The following SNTG1 variants were observed in gnomAD, a reference collection of about 807,000 sequenced individuals.
SNTG1 encodes the protein syntrophin gamma 1.
In SNTG1, 39 loss-of-function variants were observed where a neutral mutation model predicts 74.7. That is an observed-to-expected ratio of 0.52 (90% CI 0.40 to 0.68). The LOEUF (loss-of-function observed/expected upper bound fraction) is 0.68, where lower values mean the gene tolerates loss of function less well. SNTG1 is among the 30% of genes least tolerant of loss of function. The pLI, the probability that SNTG1 is intolerant of heterozygous loss-of-function variation, is 0.00. For synonymous variants in SNTG1, 254 were observed against 217.1 expected (o/e 1.17, Z -1.49); for missense variants, 685 against 609.5 (o/e 1.12, Z -1.30).
At chr8:50,325,743 A>G (rs1203959642) in intron 2 of SNTG1, among the ~76,000 whole-genome samples, 1 of 152,118 alleles carries the variant, frequency 6.6e-6, no homozygotes, top group Non-Finnish European at 1.5e-5. Flanking sequence ...TTCACATAGT[A>G]TTACATTAGC....
At chr8:50,603,465 TTC>T (rs1446432516) in intron 13 of SNTG1, among the ~76,000 whole-genome samples, 1 of 152,224 alleles carries the variant, frequency 6.6e-6, no homozygotes, top group Non-Finnish European at 1.5e-5. Context: ...ACTTTGAATT[TTC>T]TTTGTGAAAG....
At chr8:50,281,644 G>A (rs2088461337) in intron 2 of SNTG1, among the ~76,000 whole-genome samples, 1 of 152,110 alleles carries the variant, frequency 6.6e-6, no homozygotes, top group South Asian at 2.1e-4. Context: ...TTTACTTTAT[G>A]GATAGGTAAC....
At chr8:50,390,794 T>C (rs555232478) in intron 2 of SNTG1, among the ~76,000 whole-genome samples, 1 of 152,342 alleles carries the variant, frequency 6.6e-6, no homozygotes, top group African/African-American at 2.4e-5. Flanking sequence ...ACATCCCTTG[T>C]AAGTTGGATT....
At chr8:50,751,562 A>G (rs970538099) in intron 17 of SNTG1, among the ~76,000 whole-genome samples, 4 of 152,024 alleles carry the variant, frequency 2.6e-5, no homozygotes, top group Admixed American at 2.6e-4. Flanking sequence ...CATCTCATGA[A>G]AGCACCATGT....
chr8:50,098,040 T>C (rs999468274), intron 1 of SNTG1, among the ~76,000 whole-genome samples: 7 of 152,230 alleles, frequency 4.6e-5, no homozygotes, highest in Non-Finnish European at 8.8e-5. Flanking sequence ...TCCAAAATCT[T>C]ATAATTGTCA....
At chr8:50,057,415 TTTTTTG>T (rs1173743330) in intron 1 of SNTG1, among the ~76,000 whole-genome samples, 11 of 152,234 alleles carry the variant, frequency 7.2e-5, no homozygotes, top group Non-Finnish European at 1.6e-4. Flanking sequence ...AGCTTTACAC[TTTTTTG>T]TTTTTGTTTT....
intron 2 of SNTG1, among the ~76,000 whole-genome samples, chr8:50,257,773 T>G (rs1011475974): frequency 6.6e-6 from 1 of 152,114 alleles, no homozygotes; most frequent in African/African-American, 2.4e-5. Flanking sequence ...AAGAGCAAGC[T>G]CAAAGAAGGA....
At chr8:50,313,036 T>A (rs943406247) in intron 2 of SNTG1, among the ~76,000 whole-genome samples, 2 of 149,642 alleles carry the variant, frequency 1.3e-5, no homozygotes, top group African/African-American at 5.0e-5. Flanking sequence ...CATGGTAATC[T>A]TTCACAAAAA....
Position 50,129,034 on chromosome 8 carries a change from T to C in SNTG1, c.-102-43527T>C, listed in dbSNP as rs1171132543. On this transcript the variant is annotated intron_variant, in intron 1 of 18. Transcript: ENST00000642720. ...TAGCGAGAGTCAGAACATCATTTGA[T>C]GAAGATAAAATTGATGACAGACAAC... Among the ~76,000 whole-genome samples, 3 of 152,060 alleles carry C rather than the reference T, an allele frequency of 2.0e-5. No individual in the cohort carries two copies. In the East Asian group the frequency reaches 5.8e-4, roughly 29 times the overall value.
intron 18 of SNTG1, among the ~76,000 whole-genome samples, chr8:50,791,758 G>C (rs1160181197): frequency 6.6e-6 from 1 of 151,622 alleles, no homozygotes; most frequent in African/African-American, 2.4e-5. Flanking sequence ...CCCTCCTTGT[G>C]ATAAGTTCAT....
chr8:49,960,460 G>A (rs1207084189), intron 1 of SNTG1, among the ~76,000 whole-genome samples: 4 of 152,012 alleles, frequency 2.6e-5, no homozygotes, highest in Non-Finnish European at 5.9e-5. Flanking sequence ...CTAAAAGATG[G>A]ATTTTGATCC....
At chr8:50,723,832 G>A (rs2095493447) in intron 17 of SNTG1, among the ~76,000 whole-genome samples, 1 of 151,996 alleles carries the variant, frequency 6.6e-6, no homozygotes. Flanking sequence ...GGTTTCAGAA[G>A]GTCTTTTAGT....
intron 2 of SNTG1, among the ~76,000 whole-genome samples, chr8:50,380,074 G>A (rs2092455788): frequency 6.6e-6 from 1 of 152,172 alleles, no homozygotes; most frequent in African/African-American, 2.4e-5. Context: ...GTTTACGTTT[G>A]GACTCTTACA....
In SNTG1 at chr8:50,704,763, G is replaced by A; in HGVS notation, c.1191+11G>A. 1 of 1,613,848 alleles carries A rather than the reference G, an allele frequency of 6.2e-7. No homozygotes were observed. The highest frequency in any genetic ancestry group is 8.5e-7 in the Non-Finnish European group (1 of 1,179,866). On this transcript the variant is annotated intron_variant, in intron 16 of 18. Transcript: ENST00000642720. ...GTAGAACGGATACAGGTGAGAGTCT[G>A]TGGGACTGCAGGATGTGTGGCTCCC...
intron 18 of SNTG1, among the ~76,000 whole-genome samples, chr8:50,788,147 C>G (rs73677525): frequency 0.02 from 3,022 of 151,966 alleles, 96 homozygotes; most frequent in African/African-American, 0.065. Context: ...AATGATGGAG[C>G]TATTTGTTTT....
At chr8:50,641,471 T>C (rs770326929) in intron 13 of SNTG1, among the ~76,000 whole-genome samples, 1 of 152,330 alleles carries the variant, frequency 6.6e-6, no homozygotes, top group South Asian at 2.1e-4. Context: ...CTCTCCTCTG[T>C]CCTTGCATTT....
At chr8:50,408,847 G>A (rs2092912480) in intron 4 of SNTG1, among the ~76,000 whole-genome samples, 2 of 152,152 alleles carry the variant, frequency 1.3e-5, no homozygotes, top group South Asian at 4.1e-4. Flanking sequence ...TGTAAGGGCA[G>A]CCTCTGTGAG....
intron 1 of SNTG1, among the ~76,000 whole-genome samples, chr8:49,915,545 C>A (rs1230109501): frequency 6.6e-6 from 1 of 152,224 alleles, no homozygotes; most frequent in South Asian, 2.1e-4. Context: ...TTACTCAGAA[C>A]TGACACCACA....
intron 14 of SNTG1, among the ~76,000 whole-genome samples, 171 bp from the exon 15 acceptor site, chr8:50,658,421 A>C (rs6473271): frequency 3.3e-5 from 5 of 152,140 alleles, no homozygotes; most frequent in Admixed American, 6.6e-5. Flanking sequence ...AAGCTTGGAA[A>C]AGAGGAAACA....
Sources: allele counts gnomAD v4.1 joint callset (sites outside exome capture counted in the v4.1 genomes callset), GRCh38; gene constraint gnomAD v4.1.1; transcripts MANE v1.5; gene names NCBI Gene and HGNC (gene_info 2026-07-23, HGNC 2026-07-21).